Variants in MON2 observed in about 807,000 individuals in gnomAD.
MON2 encodes MON2 regulator of endosome-to-Golgi trafficking.
In MON2, 84 loss-of-function variants were observed where a neutral mutation model predicts 208.6. The observed-to-expected ratio is 0.40, with a 90% CI of 0.34 to 0.48. The LOEUF is 0.48. Among genes scored for constraint, MON2 ranks in the 20% least tolerant of loss-of-function variants. The pLI is 0.59. For missense variants in MON2, 1,611 were observed against 2,015.4 expected (o/e 0.80, Z 3.84); for synonymous variants, 660 against 694.0 (o/e 0.95, Z 0.77).
intron 4 of MON2, among the ~76,000 whole-genome samples, chr12:62,497,951 A>C (rs1466953981): frequency 6.6e-6 from 1 of 152,088 alleles, no homozygotes; most frequent in Non-Finnish European, 1.5e-5. Flanking sequence ...ACCTATTCTT[A>C]CCAGATGACC....
In MON2 at chr12:62,539,996, T is replaced by C. The variant is rs375319051; in HGVS notation, c.2364+1491T>C. Among the ~76,000 whole-genome samples the C allele has an allele frequency of 3.9e-5, 6 of 152,214 alleles. No individual in the cohort carries two copies. In the East Asian group the frequency reaches 1.2e-3, roughly 29 times the overall value. The stretch of plus-strand genomic sequence containing the variant: ...GAAAAAAAGAAAATATATATTATAG[T>C]TTGTTCTAAATCAGGGCAAGGATAA... On this transcript the variant is annotated intron_variant, in intron 19 of 34. Transcript: ENST00000393630.
At chr12:62,543,812 T>C (rs1001807067) in intron 20 of MON2, among the ~76,000 whole-genome samples, 1 of 152,130 alleles carries the variant, frequency 6.6e-6, no homozygotes, top group Non-Finnish European at 1.5e-5. Flanking sequence ...TTAACCATAT[T>C]AGCCAGGCTG....
At chr12:62,527,164 C>G (rs576001570) in intron 11 of MON2, among the ~76,000 whole-genome samples, 1 of 152,086 alleles carries the variant, frequency 6.6e-6, no homozygotes, top group Admixed American at 6.6e-5. Flanking sequence ...TAAATCAAGA[C>G]TTAATATGAA....
Position 62,509,912 on chromosome 12 carries a change from G to A in MON2, c.984+1432G>A, listed in dbSNP as rs185277994. Among the ~76,000 whole-genome samples, 905 of 150,982 alleles carry A rather than the reference G, an allele frequency of 6.0e-3. 10 individuals carry two copies. Among genetic ancestry groups the A allele is most frequent in the Middle Eastern group, 0.01 (3 of 290 alleles). On this transcript the variant is annotated intron_variant, in intron 8 of 34. Coordinates refer to ENST00000393630, the MANE Select transcript of MON2 (RefSeq NM_015026.3). The stretch of plus-strand genomic sequence containing the variant: ...AAAAGATTAAGAAAATTAACAAACC[G>A]TTATCCAGACTAAAAAGAGAAAATA...
intron 23 of MON2, among the ~76,000 whole-genome samples, chr12:62,552,533 A>C (rs930181686): frequency 9.9e-5 from 15 of 152,114 alleles, no homozygotes; most frequent in Admixed American, 7.2e-4. Flanking sequence ...ATGATATTAT[A>C]GTTTTTTTTT....
At chr12:62,573,562 A>T (rs1438988699) in intron 30 of MON2, among the ~76,000 whole-genome samples, 3 of 151,296 alleles carry the variant, frequency 2.0e-5, no homozygotes, top group East Asian at 1.9e-4. Context: ...CCTGTATATA[A>T]AAAAAAATGG....
intron 1 of MON2, among the ~76,000 whole-genome samples, chr12:62,476,600 TA>T (rs1217592241): frequency 6.6e-6 from 1 of 152,066 alleles, no homozygotes; most frequent in Non-Finnish European, 1.5e-5. Context: ...ACTGACCGGC[TA>T]ATTTTTTGTA....
chr12:62,591,210 G>A (rs1296793772), intron 34 of MON2, among the ~76,000 whole-genome samples: 1 of 152,076 alleles, frequency 6.6e-6, no homozygotes, highest in Non-Finnish European at 1.5e-5. Context: ...ATTCTGTTAA[G>A]CAGCAAAATT....
intron 12 of MON2, among the ~76,000 whole-genome samples, chr12:62,533,065 C>T (rs1284806799): frequency 6.6e-6 from 1 of 152,170 alleles, no homozygotes; most frequent in Admixed American, 6.5e-5. Context: ...CATGTCTCAA[C>T]TTGGAAGTTT....
At chr12:62,507,961 G>A (rs2071191413) in intron 7 of MON2, among the ~76,000 whole-genome samples, 1 of 151,896 alleles carries the variant, frequency 6.6e-6, no homozygotes, top group Admixed American at 6.6e-5. Context: ...TGTAGAGATG[G>A]AGTCTCACTG....
Position 62,556,204 on chromosome 12 carries a change from T to C in MON2, c.3409+12T>C. Reference sequence around the variant, plus strand: ...GCTGCAGCCTTTAGGTATACGTACATTTTTTTCTGATTATACAAGTAATTA... The same window carrying C: ...GCTGCAGCCTTTAGGTATACGTACACTTTTTTCTGATTATACAAGTAATTA... On this transcript the variant is annotated intron_variant, in intron 25 of 34. Transcript: ENST00000393630. 4 of 1,610,214 alleles carry C rather than the reference T, an allele frequency of 2.5e-6. No individual in the cohort carries two copies. Among genetic ancestry groups the C allele is most frequent in the South Asian group, 2.2e-5 (2 of 90,562 alleles).
intron 1 of MON2, among the ~76,000 whole-genome samples, chr12:62,477,801 T>TGGGA (rs1162797738): frequency 6.6e-6 from 1 of 152,194 alleles, no homozygotes. Context: ...TGAGTGCTTC[T>TGGGA]GGGAAAGAAA....
chr12:62,546,884 G>GC lies in MON2; in HGVS notation c.2578-8dup. On this transcript the variant is annotated splice_polypyrimidine_tract_variant and intron_variant, in intron 21 of 34. Transcript: ENST00000393630. ...GACTTCTCTTCCTAATTAGTTTCTT[G>GC]CCCCCTTTTCAGAGGCTGCAGTTGC... 1 of 1,573,556 alleles carries GC rather than the reference G, an allele frequency of 6.4e-7. No individual in the cohort carries two copies. Among genetic ancestry groups the GC allele is most frequent in the Non-Finnish European group, 8.6e-7 (1 of 1,158,394 alleles).
In MON2 at chr12:62,467,099, C is replaced by T. The variant is rs2068552976; in HGVS notation, c.-109C>T. The T allele has an allele frequency of 1.2e-6, 1 of 834,572 alleles. No homozygotes were observed. The highest frequency in any genetic ancestry group is 1.7e-5 in the African/African-American group (1 of 58,446). 51.7% of individuals were successfully genotyped at this position (834,572 alleles called of 1,614,324 possible). A position where few individuals can be genotyped will look rare whatever the true frequency, so the allele number is the denominator to read the frequency against. On this transcript the variant is annotated 5_prime_UTR_variant, in exon 1 of 35. Transcript: ENST00000393630. ...CGCAGCCCAGGGCCCAAGAAGCGGG[C>T]TGCTGAAGGACCAGAGACACCGGGA... is the stretch of plus-strand genomic sequence containing the variant.
intron 33 of MON2, among the ~76,000 whole-genome samples, chr12:62,586,390 C>T (rs2136488728): frequency 6.6e-6 from 1 of 152,276 alleles, no homozygotes; most frequent in African/African-American, 2.4e-5. Flanking sequence ...ATGCATTAAC[C>T]AAATTTCCCA....
intron 8 of MON2, among the ~76,000 whole-genome samples, chr12:62,512,520 A>G (rs2071459289): frequency 6.6e-6 from 1 of 152,158 alleles, no homozygotes; most frequent in Non-Finnish European, 1.5e-5. Context: ...CACCGATGCA[A>G]GAGGAGGGTT....
intron 1 of MON2, among the ~76,000 whole-genome samples, chr12:62,467,589 C>T (rs571270651): frequency 2.0e-5 from 3 of 152,318 alleles, no homozygotes; most frequent in Admixed American, 1.3e-4. Context: ...GTACTGTGCA[C>T]TAGCCTATTC....
intron 1 of MON2, among the ~76,000 whole-genome samples, chr12:62,475,292 AGTG>A (rs1158907200): frequency 3.3e-5 from 5 of 151,876 alleles, no homozygotes; most frequent in African/African-American, 1.2e-4. Context: ...GCTGGAGTGT[AGTG>A]GTGTAATCTT....
intron 32 of MON2, among the ~76,000 whole-genome samples, chr12:62,582,623 A>G (rs1401642303): frequency 6.6e-6 from 1 of 152,170 alleles, no homozygotes; most frequent in East Asian, 1.9e-4. Context: ...CCAGGACCTC[A>G]GTTTTTTACA....
Sources: gnomAD v4.1 joint callset for allele counts (sites outside exome capture counted in the v4.1 genomes callset) on GRCh38, gnomAD v4.1.1 for gene constraint, MANE v1.5 for transcripts, NCBI Gene and HGNC (gene_info 2026-07-23, HGNC 2026-07-21) for gene names.